SLC35F3: variants seen among roughly 807,000 people sequenced by gnomAD.
SLC35F3 encodes the protein putative thiamine transporter SLC35F3.
A neutral mutation model predicts 49.9 loss-of-function variants in SLC35F3; 25 were observed. The observed-to-expected ratio is 0.50, with a 90% CI of 0.37 to 0.70. SLC35F3 has a LOEUF of 0.70. Among genes scored for constraint, SLC35F3 ranks in the 30% least tolerant of loss-of-function variants. The pLI is 0.00. For missense variants in SLC35F3, 525 were observed against 639.8 expected, an observed-to-expected ratio of 0.82 and a Z score of 1.94; for synonymous variants, 275 against 265.4, an observed-to-expected ratio of 1.04 and a Z score of -0.35.
chr1:233,922,040 C>A (rs1662071171), intron 2 of SLC35F3, among the ~76,000 whole-genome samples: 2 of 152,158 alleles, frequency 1.3e-5, no homozygotes, highest in South Asian at 4.1e-4. Flanking sequence ...TCCAGTCTAT[C>A]ATTGTTGGAC....
intron 2 of SLC35F3, among the ~76,000 whole-genome samples, chr1:234,098,750 ATGG>A (rs755835898): frequency 6.0e-5 from 8 of 133,486 alleles, no homozygotes; most frequent in Non-Finnish European, 1.1e-4. Context: ...TTATAGGGTG[ATGG>A]TGGTGACTGT....
chr1:234,163,861 G>C (rs1666270190), intron 2 of SLC35F3, among the ~76,000 whole-genome samples: 2 of 152,200 alleles, frequency 1.3e-5, no homozygotes, highest in Middle Eastern at 3.4e-3. Context: ...ACCTCTCTCT[G>C]AGAAACATTT....
At chr1:234,230,868 A>C (rs2102950300) in intron 2 of SLC35F3, among the ~76,000 whole-genome samples, 1 of 152,304 alleles carries the variant, frequency 6.6e-6, no homozygotes, top group Middle Eastern at 3.4e-3. Context: ...AAGAGGAGAG[A>C]GTCTTGGCCA....
chr1:233,999,700 C>T (rs936544603), intron 2 of SLC35F3, among the ~76,000 whole-genome samples: 8 of 152,008 alleles, frequency 5.3e-5, no homozygotes, highest in African/African-American at 1.2e-4. Flanking sequence ...TGCAAGTGGC[C>T]GAGCCCATTT....
At chr1:233,973,137 A>T (rs1469819430) in intron 2 of SLC35F3, among the ~76,000 whole-genome samples, 1 of 152,226 alleles carries the variant, frequency 6.6e-6, no homozygotes, top group Non-Finnish European at 1.5e-5. Context: ...AGGGTGCATT[A>T]GTCATCAGAG....
chr1:234,029,948 C>T (rs1167669401), intron 2 of SLC35F3, among the ~76,000 whole-genome samples: 1 of 152,114 alleles, frequency 6.6e-6, no homozygotes, highest in Non-Finnish European at 1.5e-5. Flanking sequence ...TCCATTGCCT[C>T]AGAATTAGTT....
chr1:234,135,957 C>A (rs1407546807), intron 2 of SLC35F3, among the ~76,000 whole-genome samples: 1 of 152,184 alleles, frequency 6.6e-6, no homozygotes, highest in Non-Finnish European at 1.5e-5. Context: ...TGCACCGTGC[C>A]ATATACCAAG....
chr1:234,249,601 T>G (rs944126890), intron 3 of SLC35F3, among the ~76,000 whole-genome samples: 1 of 152,278 alleles, frequency 6.6e-6, no homozygotes, highest in Non-Finnish European at 1.5e-5. Flanking sequence ...AAAGTGAGAT[T>G]GACTGCCCCA....
chr1:234,193,567 A>G (rs182130146), intron 2 of SLC35F3, among the ~76,000 whole-genome samples: 2 of 152,278 alleles, frequency 1.3e-5, no homozygotes, highest in East Asian at 1.9e-4. Flanking sequence ...CCAAAAGCAA[A>G]TGCAACAAAA....
chr1:234,146,481 C>T (rs376360646), intron 2 of SLC35F3, among the ~76,000 whole-genome samples: 7 of 74,034 alleles, frequency 9.5e-5, no homozygotes, highest in African/African-American at 2.5e-4. Flanking sequence ...GATATTTGCT[C>T]TTTTTTTTTT....
intron 2 of SLC35F3, among the ~76,000 whole-genome samples, chr1:234,169,306 G>C (rs914454145): frequency 6.6e-6 from 1 of 152,168 alleles, no homozygotes; most frequent in Non-Finnish European, 1.5e-5. Context: ...CTCACCAGCT[G>C]CCTGGGCATC....
intron 3 of SLC35F3, among the ~76,000 whole-genome samples, chr1:234,284,336 T>TG (rs1668377159): frequency 6.6e-6 from 1 of 152,238 alleles, no homozygotes; most frequent in Non-Finnish European, 1.5e-5. Flanking sequence ...CAAGCCCAGA[T>TG]GTGTCTGACT....
At chr1:233,931,391 G>A (rs1413566203) in intron 2 of SLC35F3, among the ~76,000 whole-genome samples, 2 of 152,170 alleles carry the variant, frequency 1.3e-5, no homozygotes, top group African/African-American at 4.8e-5. Flanking sequence ...CTATCCATCT[G>A]ACAAAGGGCA....
chr1:233,961,661 G>A (rs911890125), intron 2 of SLC35F3, among the ~76,000 whole-genome samples: 1 of 151,944 alleles, frequency 6.6e-6, no homozygotes, highest in Non-Finnish European at 1.5e-5. Context: ...TCACCATGTT[G>A]GCCAGGCTAG....
At chr1:233,916,964 G>GAATC (rs1661981837) in intron 2 of SLC35F3, among the ~76,000 whole-genome samples, 1 of 152,022 alleles carries the variant, frequency 6.6e-6, no homozygotes, top group South Asian at 2.1e-4. Flanking sequence ...TTTATTCAGT[G>GAATC]ATTCATTCCT....
chr1:234,232,427 C>A (rs141673223), intron 3 of SLC35F3, among the ~76,000 whole-genome samples: 1 of 141,554 alleles, frequency 7.1e-6, no homozygotes, highest in East Asian at 2.1e-4. Flanking sequence ...TGACCCGTGG[C>A]GCTCATCTGT....
intron 2 of SLC35F3, among the ~76,000 whole-genome samples, chr1:234,199,523 C>T (rs1318049944): frequency 6.6e-6 from 1 of 152,156 alleles, no homozygotes; most frequent in Non-Finnish European, 1.5e-5. Flanking sequence ...AATGTAAGAC[C>T]TGCAATTGTA....
chr1:234,101,229 A>G lies in SLC35F3; in HGVS notation c.284-130188A>G, dbSNP rs148296272. 4.3e-3 allele frequency among the ~76,000 whole-genome samples: 662 copies of G among 152,196 alleles called. 6 individuals carry two copies. Among genetic ancestry groups the G allele is most frequent in the African/African-American group, 0.015 (616 of 41,522 alleles). ...AGTCAATGGTTATTCATTAAGTATA[A>G]TAGTTGGGTCTGTTTTCCTTTACAT... On this transcript the variant is annotated intron_variant, in intron 2 of 7. Transcript: ENST00000366618.
intron 2 of SLC35F3, among the ~76,000 whole-genome samples, chr1:234,062,528 A>G (rs1664556813): frequency 6.6e-6 from 1 of 152,202 alleles, no homozygotes; most frequent in Non-Finnish European, 1.5e-5. Flanking sequence ...CAAACTAGTA[A>G]GCCTAAAGTT....
Sources: gnomAD v4.1 joint callset for allele counts (sites outside exome capture counted in the v4.1 genomes callset) on GRCh38, gnomAD v4.1.1 for gene constraint, MANE v1.5 for transcripts, NCBI Gene and HGNC (gene_info 2026-07-23, HGNC 2026-07-21) for gene names.